The following PLAA variants were observed in gnomAD, a reference collection of about 807,000 sequenced individuals.
The protein encoded by PLAA is phospholipase A2 activating protein.
Under a neutral mutation model 84.1 loss-of-function variants are expected in PLAA, and 48 were observed. The observed-to-expected ratio is 0.57, with a 90% CI of 0.45 to 0.73. PLAA has a LOEUF of 0.73. PLAA is among the 30% of genes least tolerant of loss of function. The probability of loss-of-function intolerance (pLI) is 0.00; values close to 1 mark genes in which losing one functional copy is unlikely to be tolerated. For missense variants in PLAA, 903 were observed against 954.7 expected (o/e 0.95, Z 0.71); for synonymous variants, 392 against 336.6 (o/e 1.16, Z -1.80).
intron 1 of PLAA, among the ~76,000 whole-genome samples, chr9:26,936,927 G>C (rs112917523): frequency 1.7e-3 from 259 of 152,206 alleles, no homozygotes; most frequent in African/African-American, 5.9e-3. Context: ...GATCACCTGA[G>C]GTCAGGAGTT....
At chr9:26,908,320 C>T (rs1824301765) in intron 12 of PLAA, among the ~76,000 whole-genome samples, 1 of 151,628 alleles carries the variant, frequency 6.6e-6, no homozygotes, top group African/African-American at 2.4e-5. Context: ...GCGCCTGCCA[C>T]CATGCCTGGC....
chr9:26,907,844 G>C lies in PLAA; in HGVS notation c.1812C>G (p.Asn604Lys). ...QQLQILWKAI[N>K]CPEDIVFPAL... is the part of the protein sequence containing the mutation. Reference sequence around the variant, plus strand: ...AGAGTGTTTATTTACCTTCAGGACAGTTAATAGCTTTCCACAAAATCTGAA... The same window carrying C: ...AGAGTGTTTATTTACCTTCAGGACACTTAATAGCTTTCCACAAAATCTGAA... The change falls in exon 13 of 14, where the codon AAC (asparagine) becomes AAG (lysine). Residue 604 changes from asparagine (N) to lysine (K), a missense_variant. Coordinates refer to ENST00000397292, the MANE Select transcript of PLAA (RefSeq NM_001031689.3). 1.2e-6 allele frequency: 2 copies of C among 1,607,798 alleles called. No homozygotes were observed. The highest frequency in any genetic ancestry group is 2.2e-5 in the South Asian group (2 of 89,438).
At chr9:26,933,787 TC>T (rs775300318) in intron 2 of PLAA, among the ~76,000 whole-genome samples, 7 of 47,426 alleles carry the variant, frequency 1.5e-4, no homozygotes, top group Non-Finnish European at 1.2e-4. Context: ...AGACTCTGCC[TC>T]AAAAAAAAAA....
chr9:26,925,282 C>A (rs778944450), intron 6 of PLAA, among the ~76,000 whole-genome samples: 22 of 152,186 alleles, frequency 1.4e-4, no homozygotes, highest in Admixed American at 1.0e-3. Context: ...TACAACCCTT[C>A]AACCCCAGGC....
Position 26,947,137 on chromosome 9 carries a change from G to C in PLAA, c.-92C>G, listed in dbSNP as rs1364075601. On this transcript the variant is annotated 5_prime_UTR_variant, in exon 1 of 14. Transcript: ENST00000397292. ...AGAGCGCCGGGCCGCGGCGGGAGAA[G>C]AGCCTGCAGGTAAGGGGCGGCCGGA... 3.6e-6 allele frequency: 5 copies of C among 1,370,216 alleles called. No homozygotes were observed. In the East Asian group the frequency reaches 8.8e-5, roughly 24 times the overall value. 84.9% of individuals were successfully genotyped at this position (1,370,216 alleles called of 1,614,324 possible).
intron 1 of PLAA, among the ~76,000 whole-genome samples, chr9:26,940,204 A>T (rs1057209341): frequency 3.9e-5 from 6 of 152,278 alleles, no homozygotes; most frequent in African/African-American, 1.4e-4. Flanking sequence ...ATATGTGTAT[A>T]ACCATATTCA....
intron 12 of PLAA, 111 bp from the exon 13 acceptor site, chr9:26,908,109 GAC>G: frequency 3.0e-6 from 2 of 665,890 alleles, no homozygotes; most frequent in South Asian, 4.8e-5. Context: ...GGGGAGTTAA[GAC>G]TTTACTCAGC....
At chr9:26,918,998 C>T (rs996138373) in intron 9 of PLAA, among the ~76,000 whole-genome samples, 2 of 152,108 alleles carry the variant, frequency 1.3e-5, no homozygotes, top group South Asian at 2.1e-4. Flanking sequence ...AAAAGATTTA[C>T]TAAATTTTGC....
intron 13 of PLAA, among the ~76,000 whole-genome samples, chr9:26,907,268 C>T (rs1483664240): frequency 2.6e-5 from 4 of 151,934 alleles, no homozygotes; most frequent in African/African-American, 7.3e-5. Flanking sequence ...TGCCCGGGCG[C>T]GGTGGCTCAC....
rs755518458 is a variant in PLAA, at chr9:26,923,133, C to A, written c.1039+45G>T. ...ATTTTTCTTCTAATTGTTCCAAAAG[C>A]CAAATATGGTGAATTTTTTCTACTA... On this transcript the variant is annotated intron_variant, in intron 7 of 13. Transcript: ENST00000397292. The A allele has an allele frequency of 1.6e-5, 22 of 1,380,548 alleles. No homozygotes were observed. The South Asian group carries it at 2.8e-4, about 17-fold the overall frequency. The allele number at this position is 1,380,548 out of a possible 1,614,324, so 85.5% of individuals were successfully genotyped here.
At chr9:26,921,453 T>G (rs1432968646) in intron 7 of PLAA, among the ~76,000 whole-genome samples, 1 of 152,244 alleles carries the variant, frequency 6.6e-6, no homozygotes, top group Admixed American at 6.5e-5. Flanking sequence ...TCTGGCCTAG[T>G]CCATCATACT....
intron 8 of PLAA, 29 bp from the exon 9 acceptor site, chr9:26,919,558 A>G (rs1380861170): frequency 1.7e-6 from 2 of 1,169,242 alleles, no homozygotes; most frequent in Non-Finnish European, 2.6e-6. Flanking sequence ...AAGGAGATAC[A>G]TGCTTATTAT....
Position 26,947,169 on chromosome 9 carries a change from A to G in PLAA, c.-124T>C. ...CAGGTAAGGGGCGGCCGGAGACCGG[A>G]AGAGCCCGAGAGCCGGTACGGAAGG... On this transcript the variant is annotated 5_prime_UTR_variant, in exon 1 of 14. Transcript: ENST00000397292. 2.5e-6 allele frequency: 3 copies of G among 1,189,252 alleles called. No homozygotes were observed. The South Asian group carries it at 5.2e-5, about 20-fold the overall frequency. The allele number at this position is 1,189,252 out of a possible 1,614,324, so 73.7% of individuals were successfully genotyped here.
intron 2 of PLAA, among the ~76,000 whole-genome samples, chr9:26,929,008 G>C (rs1452034926): frequency 1.3e-5 from 2 of 152,084 alleles, no homozygotes; most frequent in African/African-American, 4.8e-5. Context: ...GACCGGCCTG[G>C]GCAATGTGGA....
chr9:26,914,415 G>T (rs899101292), intron 10 of PLAA, among the ~76,000 whole-genome samples: 120 of 152,214 alleles, frequency 7.9e-4, no homozygotes, highest in African/African-American at 2.7e-3. Context: ...AGTAAGTATA[G>T]AGAGAGAATC....
Position 26,947,118 on chromosome 9 carries a change from CCGGGCCGCGG to C in PLAA, c.-83_-74del. On this transcript the variant is annotated 5_prime_UTR_variant, in exon 1 of 14. Transcript: ENST00000397292. Reference sequence around the variant, plus strand: ...GTCCGCAGGGGCGACTCGGAGAGCGCCGGGCCGCGGCGGGAGAAGAGCCTGCAGGTAAGGG... The same window carrying C: ...GTCCGCAGGGGCGACTCGGAGAGCGCCGGGAGAAGAGCCTGCAGGTAAGGG... 1.4e-6 allele frequency: 2 copies of C among 1,399,518 alleles called. No homozygotes were observed. The highest frequency in any genetic ancestry group is 1.9e-6 in the Non-Finnish European group (2 of 1,074,762). The allele number at this position is 1,399,518 out of a possible 1,614,324, so 86.7% of individuals were successfully genotyped here.
At chr9:26,912,641 G>A (rs1587152482) in intron 11 of PLAA, among the ~76,000 whole-genome samples, 1 of 152,234 alleles carries the variant, frequency 6.6e-6, no homozygotes, top group East Asian at 1.9e-4. Flanking sequence ...AACAAGTACA[G>A]CTAACAATTA....
chr9:26,942,951 C>G (rs192914761), intron 1 of PLAA, among the ~76,000 whole-genome samples: 1 of 148,304 alleles, frequency 6.7e-6, no homozygotes, highest in East Asian at 2.0e-4. Flanking sequence ...AGAAAGAGAG[C>G]TAAATTCTCA....
At chr9:26,916,047 T>A (rs1220557915) in intron 10 of PLAA, 3 of 985,354 alleles carry the variant, frequency 3.0e-6, no homozygotes, top group Non-Finnish European at 3.6e-6. Flanking sequence ...TAGTTAATTA[T>A]TTTCATTTAC....
Sources: allele counts gnomAD v4.1 joint callset (sites outside exome capture counted in the v4.1 genomes callset), GRCh38; gene constraint gnomAD v4.1.1; transcripts MANE v1.5; gene names NCBI Gene and HGNC (gene_info 2026-07-23, HGNC 2026-07-21).